The following NUP58 variants were observed in gnomAD, a reference collection of about 807,000 sequenced individuals.
NUP58 encodes the protein nucleoporin p58/p45.
A neutral mutation model predicts 70.1 loss-of-function variants in NUP58; 17 were observed. The observed-to-expected ratio is 0.24, with a 90% confidence interval of 0.17 to 0.36. NUP58 has a LOEUF of 0.36. Among genes scored for constraint, NUP58 ranks in the 10% least tolerant of loss-of-function variants. The probability of loss-of-function intolerance (pLI) is 1.00; values close to 1 mark genes in which losing one functional copy is unlikely to be tolerated. For synonymous variants in NUP58, 275 were observed against 257.6 expected (o/e 1.07, Z -0.65); for missense variants, 644 against 701.5 (o/e 0.92, Z 0.93).
At chr13:25,345,584 TG>T (rs58929945), downstream of NUP58, among the ~76,000 whole-genome samples, 138,378 of 147,660 alleles carry the variant, frequency 0.94, 65,286 homozygotes, top group East Asian at 1. Flanking sequence ...ATGGGGGCGG[TG>T]GGGGGGGGTC....
In NUP58 at chr13:25,301,803, G is replaced by A. The variant is rs765748212; in HGVS notation, c.30G>A (p.Gly10=). The A allele has an allele frequency of 1.9e-6, 3 of 1,613,576 alleles. No homozygotes were observed. The highest frequency in any genetic ancestry group is 3.3e-5 in the Admixed American group (2 of 59,964). ...CCACAGGGTTCTCCTTCGGGTCCGG[G>A]ACTCTGGGCTCCACCACCGTGGCCG... MSTGFSFGS[G]TLGSTTVAAG... is the part of the protein sequence containing the mutation. The change falls in exon 1 of 16, where the codon GGG becomes GGA. Residue 10 remains glycine (G), a synonymous_variant. Coordinates refer to ENST00000381736, the MANE Select transcript of NUP58 (RefSeq NM_014089.4).
intron 9 of NUP58, 115 bp from the exon 10 acceptor site, chr13:25,324,874 C>CTTATAG: frequency 4.2e-6 from 3 of 722,306 alleles, no homozygotes; most frequent in Non-Finnish European, 7.1e-6. Context: ...GCATGAACCT[C>CTTATAG]CAAGGTATTG....
chr13:25,333,427 T>G, intron 13 of NUP58: 2 of 985,414 alleles, frequency 2.0e-6, no homozygotes, highest in Non-Finnish European at 2.4e-6. Context: ...CTGCCTTCAC[T>G]CTTCCCTGAA....
intron 12 of NUP58, among the ~76,000 whole-genome samples, chr13:25,330,266 G>A (rs900559030): frequency 1.3e-5 from 2 of 152,216 alleles, no homozygotes; most frequent in African/African-American, 4.8e-5. Flanking sequence ...GAGATCGGTA[G>A]TGCTTGTTTT....
At chr13:25,304,487 T>TAGAC (rs2030198564) in intron 1 of NUP58, among the ~76,000 whole-genome samples, 1 of 59,040 alleles carries the variant, frequency 1.7e-5, no homozygotes, top group Non-Finnish European at 3.5e-5. Context: ...ATTATATATA[T>TAGAC]ATATATATAT....
At position 25,301,839 on chromosome 13, in the gene NUP58, C is replaced by G. The variant is rs1222778181; in HGVS notation, c.66C>G (p.Thr22=). The change falls in exon 1 of 16, where the codon ACC becomes ACG. Residue 22 remains threonine, a synonymous_variant. Coordinates refer to ENST00000381736, the MANE Select transcript of NUP58 (RefSeq NM_014089.4). ...LGSTTVAAGG[T]STGGVFSFGT... ...CCACCACCGTGGCCGCCGGCGGGAC[C>G]AGCACAGGCGGCGTTTTCTCCTTCG... 2.5e-6 allele frequency: 4 copies of G among 1,613,426 alleles called. No homozygotes were observed. The highest frequency in any genetic ancestry group is 2.5e-6 in the Non-Finnish European group (3 of 1,179,838).
In NUP58 at chr13:25,320,547, A is replaced by G. The variant is rs769744097; in HGVS notation, c.728A>G (p.Lys243Arg). 2 of 1,610,604 alleles carry G rather than the reference A, an allele frequency of 1.2e-6. No homozygotes were observed. Among genetic ancestry groups the G allele is most frequent in the Non-Finnish European group, 1.7e-6 (2 of 1,177,576 alleles). The change falls in exon 8 of 16, where the codon AAG becomes AGG. Residue 243 changes from lysine (K) to arginine (R), a missense_variant. Physicochemically the swap from Lys to Arg is conservative, Grantham distance 26. Around this residue, in one of 4 missense-constraint regions of NUP58, gnomAD observed 430 missense variants for 409.2 expected, o/e 1.05. Coordinates refer to ENST00000381736, the MANE Select transcript of NUP58 (RefSeq NM_014089.4). ...TTTCTTAGGGATAGTAAAGCTCTGA[A>G]GGATGAAAATCTACCTCCTGTCATC... ...GTRPEDSKALKDENLPPVICQ... is the reference protein window; with the variant it reads ...GTRPEDSKALRDENLPPVICQ...
At chr13:25,338,900 A>G (rs2031871571) in intron 15 of NUP58, 169 bp downstream of exon 15, 2 of 473,502 alleles carry the variant, frequency 4.2e-6, no homozygotes, top group African/African-American at 2.0e-5. Context: ...TATCTCTCTC[A>G]TAAACTAAAG....
At chr13:25,349,143 G>T (rs2137858262) in intron 3 of NUP58, among the ~76,000 whole-genome samples, 1 of 152,230 alleles carries the variant, frequency 6.6e-6, no homozygotes, top group African/African-American at 2.4e-5. Flanking sequence ...TTATTTGGTG[G>T]TATCTTTGTC....
chr13:25,310,370 G>GC (rs2030600690), intron 3 of NUP58, among the ~76,000 whole-genome samples: 1 of 151,632 alleles, frequency 6.6e-6, no homozygotes, highest in Admixed American at 6.6e-5. Context: ...ACAGGCATGT[G>GC]CCACCACGCC....
chr13:25,310,033 T>C, intron 3 of NUP58: 1 of 399,090 alleles, frequency 2.5e-6, no homozygotes, highest in Non-Finnish European at 5.0e-6. Context: ...AATCTTCTTG[T>C]TTTCTTTTTT....
intron 1 of NUP58, among the ~76,000 whole-genome samples, chr13:25,302,236 A>G (rs2030055089): frequency 6.6e-6 from 1 of 152,260 alleles, no homozygotes; most frequent in African/African-American, 2.4e-5. Context: ...CATTGAATGA[A>G]TGAATGAAAT....
chr13:25,311,148 A>G (rs538998000), intron 3 of NUP58, among the ~76,000 whole-genome samples: 7 of 152,210 alleles, frequency 4.6e-5, no homozygotes, highest in Admixed American at 2.6e-4. Flanking sequence ...GCCCAGTCAT[A>G]AAAGCGTTCT....
intron 13 of NUP58, chr13:25,333,020 T>G (rs1566070205): frequency 1.0e-6 from 1 of 984,488 alleles, no homozygotes; most frequent in Non-Finnish European, 1.2e-6. Flanking sequence ...TTCCATTCTA[T>G]TAAATAGAAC....
chr13:25,305,676 A>G (rs1004411034), intron 1 of NUP58, among the ~76,000 whole-genome samples: 8 of 152,180 alleles, frequency 5.3e-5, no homozygotes, highest in African/African-American at 1.4e-4. Context: ...CTTTGCCTCA[A>G]ACTTCTGCAG....
At chr13:25,335,539 G>GT in intron 13 of NUP58, 1 of 984,546 alleles carries the variant, frequency 1.0e-6, no homozygotes, top group Non-Finnish European at 1.2e-6. Context: ...TGCTAGGCAG[G>GT]TATTTTATTC....
chr13:25,332,428 T>C lies in NUP58; in HGVS notation c.1435+870T>C, dbSNP rs971568339. On this transcript the variant is annotated intron_variant, in intron 13 of 15. Coordinates refer to ENST00000381736, the MANE Select transcript of NUP58 (RefSeq NM_014089.4). Reference sequence around the variant, plus strand: ...CATGGAAAAATAGTCTTAATCGATATTGATTTTTTTATTTTAATCATTCAT... The same window carrying C: ...CATGGAAAAATAGTCTTAATCGATACTGATTTTTTTATTTTAATCATTCAT... 9 of 984,382 alleles carry C rather than the reference T, an allele frequency of 9.1e-6. No individual in the cohort carries two copies. In the East Asian group the frequency reaches 3.4e-4, roughly 37 times the overall value. 61.0% of individuals were successfully genotyped at this position (984,382 alleles called of 1,614,324 possible).
downstream of NUP58, among the ~76,000 whole-genome samples, chr13:25,346,198 C>G (rs1047306412): frequency 6.6e-6 from 1 of 152,184 alleles, no homozygotes; most frequent in Non-Finnish European, 1.5e-5. Flanking sequence ...CCAGGATCTA[C>G]TCTTATGAGC....
chr13:25,309,364 C>G, intron 3 of NUP58, 82 bp downstream of exon 3: 1 of 1,067,478 alleles, frequency 9.4e-7, no homozygotes, highest in Non-Finnish European at 1.4e-6. Context: ...ACTCTTCTCT[C>G]TTCTAATATT....
Sources: allele counts gnomAD v4.1 joint callset (sites outside exome capture counted in the v4.1 genomes callset), GRCh38; gene constraint gnomAD v4.1.1; regional missense constraint gnomAD v4.1.1; transcripts MANE v1.5; gene names NCBI Gene and HGNC (gene_info 2026-07-23, HGNC 2026-07-21).